Variants in AOPEP observed in about 807,000 individuals in gnomAD.
AOPEP encodes aminopeptidase O.
A neutral mutation model predicts 98.1 loss-of-function variants in AOPEP; 77 were observed. The observed-to-expected ratio is 0.78, with a 90% CI of 0.65 to 0.95. The LOEUF (loss-of-function observed/expected upper bound fraction) is 0.95. Among genes scored for constraint, AOPEP ranks in the 40% least tolerant of loss-of-function variants. The pLI is 0.00. For synonymous variants in AOPEP, 346 were observed against 365.3 expected (o/e 0.95, Z 0.60); for missense variants, 1,024 against 1,024.7 (o/e 1.00, Z 0.01).
intron 5 of AOPEP, among the ~76,000 whole-genome samples, chr9:94,863,606 G>A: frequency 6.6e-6 from 1 of 152,062 alleles, no homozygotes; most frequent in Non-Finnish European, 1.5e-5. Flanking sequence ...AGTAGAGACA[G>A]GGTTTTGCCA....
the AOPEP span, among the ~76,000 whole-genome samples, chr9:95,115,576 A>G: frequency 2.0e-5 from 3 of 152,248 alleles, no homozygotes; most frequent in South Asian, 6.2e-4. Context: ...CTGGTTTCAC[A>G]GTCATCCTGT....
intron 14 of AOPEP, among the ~76,000 whole-genome samples, chr9:95,080,329 C>T (rs975747693): frequency 1.1e-4 from 17 of 152,060 alleles, no homozygotes; most frequent in Admixed American, 2.6e-4. Context: ...AGATCGAGAC[C>T]AGCCTGGCCA....
intron 13 of AOPEP, among the ~76,000 whole-genome samples, chr9:95,024,597 C>T (rs756972498): frequency 6.6e-6 from 1 of 152,188 alleles, no homozygotes; most frequent in African/African-American, 2.4e-5. Context: ...TGAGCCTGAG[C>T]GTGTGGCCCC....
chr9:94,844,775 G>C (rs1298370591), intron 5 of AOPEP, among the ~76,000 whole-genome samples: 1 of 152,158 alleles, frequency 6.6e-6, no homozygotes, highest in African/African-American at 2.4e-5. Context: ...TAGTCTCAGG[G>C]GGCAGATGGT....
chr9:94,830,700 C>T (rs1855773406), intron 5 of AOPEP, among the ~76,000 whole-genome samples: 1 of 152,150 alleles, frequency 6.6e-6, no homozygotes, highest in African/African-American at 2.4e-5. Context: ...TTCTTTGCAA[C>T]CTTGCCAGCA....
intron 1 of AOPEP, among the ~76,000 whole-genome samples, chr9:94,751,269 T>C (rs1249882360): frequency 6.6e-6 from 1 of 152,172 alleles, no homozygotes. Context: ...CTAGAGTTTA[T>C]AAGTACTATC....
chr9:94,876,320 A>C (rs1327804665), intron 5 of AOPEP, among the ~76,000 whole-genome samples: 1 of 151,580 alleles, frequency 6.6e-6, no homozygotes, highest in Non-Finnish European at 1.5e-5. Context: ...CTGCAGACCA[A>C]CTGTTAGTTG....
At chr9:94,879,549 C>A (rs1160316370) in intron 5 of AOPEP, among the ~76,000 whole-genome samples, 1 of 152,178 alleles carries the variant, frequency 6.6e-6, no homozygotes, top group Non-Finnish European at 1.5e-5. Context: ...GAGATTTCTC[C>A]AGGAATACCC....
chr9:94,983,706 G>A (rs1455752681), intron 11 of AOPEP, among the ~76,000 whole-genome samples: 3 of 152,136 alleles, frequency 2.0e-5, no homozygotes, highest in African/African-American at 7.2e-5. Context: ...GACTGTCGGT[G>A]CACAGGTATT....
chr9:94,941,863 A>G (rs1399657680), intron 7 of AOPEP, among the ~76,000 whole-genome samples: 3 of 152,322 alleles, frequency 2.0e-5, no homozygotes, highest in South Asian at 2.1e-4. Context: ...AAGACATTTC[A>G]TAATCACTGG....
chr9:95,011,608 G>A (rs1030287494), intron 13 of AOPEP, among the ~76,000 whole-genome samples: 7 of 152,028 alleles, frequency 4.6e-5, no homozygotes, highest in Non-Finnish European at 8.8e-5. Context: ...CCAGGAGTTC[G>A]AGACAGCTTG....
At chr9:95,050,841 C>T (rs2066282369) in intron 13 of AOPEP, among the ~76,000 whole-genome samples, 1 of 152,212 alleles carries the variant, frequency 6.6e-6, no homozygotes, top group African/African-American at 2.4e-5. Flanking sequence ...CAAGAAAGGA[C>T]AGGAACTGGG....
chr9:95,005,922 T>A, intron 13 of AOPEP: 4 of 525,902 alleles, frequency 7.6e-6, no homozygotes, highest in Non-Finnish European at 1.5e-5. Flanking sequence ...AGTGTTAAGG[T>A]ACCTCTGAAA....
chr9:94,737,847 CTGGTTCAGCTTA>C (rs1832124985), intron 1 of AOPEP, among the ~76,000 whole-genome samples: 1 of 152,074 alleles, frequency 6.6e-6, no homozygotes, highest in Non-Finnish European at 1.5e-5. Context: ...TTTTGACTGT[CTGGTTCAGCTTA>C]TGGTTCAGCT....
At chr9:95,068,285 A>AT (rs1164308544) in intron 14 of AOPEP, among the ~76,000 whole-genome samples, 1 of 151,414 alleles carries the variant, frequency 6.6e-6, no homozygotes, top group East Asian at 1.9e-4. Context: ...ACCATCTTAC[A>AT]TTTTCTCTAG....
chr9:95,110,996 T>C, the AOPEP span: 5 of 1,425,848 alleles, frequency 3.5e-6, no homozygotes, highest in Non-Finnish European at 1.8e-6. Context: ...AAGCCAGTAA[T>C]GTGAGGATCT....
intron 5 of AOPEP, among the ~76,000 whole-genome samples, chr9:94,887,958 C>T (rs1304555070): frequency 2.0e-5 from 3 of 152,162 alleles, no homozygotes; most frequent in Non-Finnish European, 4.4e-5. Context: ...AAGGATTTGT[C>T]ATGTTGAAAG....
chr9:95,067,146 G>A (rs906782556), intron 14 of AOPEP, among the ~76,000 whole-genome samples: 4 of 152,068 alleles, frequency 2.6e-5, no homozygotes, highest in Admixed American at 6.5e-5. Flanking sequence ...TAGAACTGTG[G>A]CACACCAGGA....
At chr9:95,115,033 T>G in the AOPEP span, among the ~76,000 whole-genome samples, 4 of 152,194 alleles carry the variant, frequency 2.6e-5, no homozygotes, top group African/African-American at 9.7e-5. Context: ...CCCAACCTCC[T>G]GGGCTCAAGC....
Sources: gnomAD v4.1 joint callset for allele counts (sites outside exome capture counted in the v4.1 genomes callset) on GRCh38, gnomAD v4.1.1 for gene constraint, MANE v1.5 for transcripts, NCBI Gene and HGNC (gene_info 2026-07-23, HGNC 2026-07-21) for gene names.